KIAA2012: variants seen among roughly 807,000 people sequenced by gnomAD.
The protein encoded by KIAA2012 is uncharacterized protein KIAA2012.
In KIAA2012, 125 loss-of-function variants were observed where a neutral mutation model predicts 150.6. The ratio of observed to expected loss-of-function variants is 0.83; its 90% CI spans 0.72 to 0.96. The LOEUF (loss-of-function observed/expected upper bound fraction) is 0.96, where lower values mean the gene tolerates loss of function less well. KIAA2012 is among the 40% of genes least tolerant of loss of function. The probability of loss-of-function intolerance (pLI) is 0.00; values close to 1 mark genes in which losing one functional copy is unlikely to be tolerated. For missense variants in KIAA2012, 1,219 were observed against 1,354.9 expected (o/e 0.90, Z 1.57); for synonymous variants, 462 against 504.7 (o/e 0.92, Z 1.13).
Position 202,193,433 on chromosome 2 carries a change from C to T in KIAA2012, c.2944C>T (p.Gln982Ter). The change falls in exon 20 of 24, where the codon CAG (glutamine) becomes TAG (stop). Residue 982 changes from glutamine (Q) to a stop codon, truncating the protein, a stop_gained. Transcript: ENST00000498697. LOFTEE classifies it high-confidence loss of function. ...AGAGCAAAGGCAGCTCCAGCAGGAG[C>T]AGCTGGAGAGAGCAAAAAAGATGGA... Reference protein sequence around the residue: ...QEEQRQLQQEQLERAKKMEEE... With the variant: ...QEEQRQLQQE The T allele has an allele frequency of 8.4e-6, 13 of 1,550,290 alleles. No homozygotes were observed. Among genetic ancestry groups the T allele is most frequent in the Non-Finnish European group, 1.0e-5 (12 of 1,146,868 alleles).
At chr2:202,123,440 C>T (rs544858054) in intron 11 of KIAA2012, among the ~76,000 whole-genome samples, 16 of 152,200 alleles carry the variant, frequency 1.1e-4, no homozygotes, top group African/African-American at 3.4e-4. Flanking sequence ...ATTCTTGAAC[C>T]GTAGGGTCAA....
intron 11 of KIAA2012, among the ~76,000 whole-genome samples, chr2:202,122,233 A>G (rs1242867830): frequency 6.6e-6 from 1 of 152,220 alleles, no homozygotes; most frequent in Non-Finnish European, 1.5e-5. Flanking sequence ...GCAACCCAAC[A>G]CGTGAGCTAG....
chr2:202,159,006 A>G (rs776174648), intron 14 of KIAA2012, among the ~76,000 whole-genome samples: 4 of 152,224 alleles, frequency 2.6e-5, no homozygotes, highest in Non-Finnish European at 4.4e-5. Context: ...TGCAAGGTAG[A>G]GGAATTGGCC....
At chr2:202,163,263 C>G (rs1209813996) in intron 14 of KIAA2012, among the ~76,000 whole-genome samples, 1 of 151,786 alleles carries the variant, frequency 6.6e-6, no homozygotes, top group East Asian at 1.9e-4. Flanking sequence ...GCCACCACGC[C>G]TGGCTAATTT....
Position 202,075,106 on chromosome 2 carries a change from G to A in KIAA2012, c.300G>A (p.Arg100=), listed in dbSNP as rs1432448112. ...KGPYCPRGPW[R]KLDLELHTLQ... is the part of the protein sequence containing the mutation. The stretch of plus-strand genomic sequence containing the variant: ...CCTACTGCCCCAGAGGTCCCTGGAG[G>A]AAGCTGGATCTTGAACTGCACACAC... The change falls in exon 2 of 24, where the codon AGG becomes AGA. Residue 100 remains arginine, a synonymous_variant. Transcript: ENST00000498697. 6.4e-6 allele frequency: 10 copies of A among 1,550,534 alleles called. No individual in the cohort carries two copies. Among genetic ancestry groups the A allele is most frequent in the Non-Finnish European group, 8.7e-6 (10 of 1,147,000 alleles).
At chr2:202,173,200 G>A (rs1691928092) in intron 15 of KIAA2012, among the ~76,000 whole-genome samples, 1 of 152,188 alleles carries the variant, frequency 6.6e-6, no homozygotes, top group African/African-American at 2.4e-5. Flanking sequence ...AGGAAGAAAA[G>A]CTCATTTCTA....
At chr2:202,117,653 G>GT (rs1265995606) in intron 11 of KIAA2012, among the ~76,000 whole-genome samples, 8 of 152,210 alleles carry the variant, frequency 5.3e-5, no homozygotes, top group African/African-American at 1.7e-4. Context: ...AAAAAGAGGA[G>GT]TTGGTATTAG....
intron 23 of KIAA2012, among the ~76,000 whole-genome samples, chr2:202,203,744 A>G (rs1692577993): frequency 6.6e-6 from 1 of 152,114 alleles, no homozygotes; most frequent in Non-Finnish European, 1.5e-5. Flanking sequence ...CCCCAGTTGA[A>G]AAAATTACAT....
intron 2 of KIAA2012, chr2:202,076,897 C>G (rs1369319965): frequency 2.2e-6 from 1 of 450,792 alleles, no homozygotes; most frequent in Non-Finnish European, 4.5e-6. Flanking sequence ...AGGCTATATA[C>G]AATTCTGCAA....
chr2:202,077,134 C>A, intron 2 of KIAA2012: 1 of 445,268 alleles, frequency 2.2e-6, no homozygotes, highest in Non-Finnish European at 4.5e-6. Flanking sequence ...GTCCTTCTAG[C>A]GTAAGTGTGG....
chr2:202,097,350 A>C, intron 4 of KIAA2012, 85 bp from the exon 5 acceptor site: 7 of 1,525,604 alleles, frequency 4.6e-6, no homozygotes, highest in Non-Finnish European at 6.2e-6. Flanking sequence ...TACTCAGAGA[A>C]GCAAGAAGGG....
rs1690172180 is a variant in KIAA2012 at position 202,105,781 on chromosome 2, GAACC to G, written c.1347_1350del (p.Pro450LysfsTer14). ...CCTAGGTGCTCCACACCCTGAGTCA[GAACC>G]AGAAAGCAGCGAAGAATCCACACCT... On this transcript the variant is annotated frameshift_variant, in exon 9 of 24. Coordinates refer to ENST00000498697, the MANE Select transcript of KIAA2012 (RefSeq NM_001277372.4). LOFTEE classifies it high-confidence loss of function. 3.2e-6 allele frequency: 5 copies of G among 1,550,508 alleles called. No homozygotes were observed. In the African/African-American group the frequency reaches 6.8e-5, roughly 21 times the overall value.
Position 202,165,288 on chromosome 2 carries a change from G to A in KIAA2012, c.2051G>A (p.Ser684Asn). 6.5e-7 allele frequency: 1 copy of A among 1,550,230 alleles called. No individual in the cohort carries two copies. The highest frequency in any genetic ancestry group is 8.7e-7 in the Non-Finnish European group (1 of 1,146,706). ...TGTTGTGTGTTAACCCAATAGGAAA[G>A]TGGAAATGCACTGGACTATCAGGAA... is the stretch of plus-strand genomic sequence containing the variant. Reference protein sequence around the residue: ...HIDMTPFLKESGNALDYQEEA... With the variant: ...HIDMTPFLKENGNALDYQEEA... Residue 684 changes from serine (S) to asparagine (N), a missense_variant, in exon 15 of 24, where the codon AGT becomes AAT. Ser to Asn is a conservative substitution (Grantham distance 46). Coordinates refer to ENST00000498697, the MANE Select transcript of KIAA2012 (RefSeq NM_001277372.4).
intron 12 of KIAA2012, chr2:202,136,528 T>C: frequency 6.6e-6 from 1 of 152,488 alleles, no homozygotes; most frequent in East Asian, 1.9e-4. Context: ...CCAGTAGGCT[T>C]CACCTCTCAA....
intron 2 of KIAA2012, among the ~76,000 whole-genome samples, chr2:202,088,839 A>T (rs1689647632): frequency 6.6e-6 from 1 of 152,168 alleles, no homozygotes; most frequent in Non-Finnish European, 1.5e-5. Context: ...TCTCGGGTTG[A>T]TTCCAGAACC....
chr2:202,179,026 A>G (rs899803514), intron 15 of KIAA2012, among the ~76,000 whole-genome samples: 10 of 152,252 alleles, frequency 6.6e-5, no homozygotes, highest in Non-Finnish European at 1.5e-4. Flanking sequence ...AATAAAACTG[A>G]GAAGAAATAA....
At chr2:202,098,809 T>TGTGTGCAC (rs1433512368) in intron 5 of KIAA2012, among the ~76,000 whole-genome samples, 3 of 147,456 alleles carry the variant, frequency 2.0e-5, no homozygotes, top group Non-Finnish European at 4.6e-5. Context: ...TGTGTGTGTG[T>TGTGTGCAC]GTGTGTGTGT....
chr2:202,148,862 G>A (rs1420525756), intron 13 of KIAA2012, among the ~76,000 whole-genome samples: 3 of 152,142 alleles, frequency 2.0e-5, no homozygotes, highest in Non-Finnish European at 2.9e-5. Flanking sequence ...GGTTGACAAT[G>A]TATACAACGC....
intron 7 of KIAA2012, among the ~76,000 whole-genome samples, chr2:202,101,622 A>G (rs1690047018): frequency 6.6e-6 from 1 of 152,230 alleles, no homozygotes. Flanking sequence ...TTGGCTCGTC[A>G]GCCATACCTC....
Sources: gnomAD v4.1 joint callset for allele counts (sites outside exome capture counted in the v4.1 genomes callset) on GRCh38, gnomAD v4.1.1 for gene constraint, MANE v1.5 for transcripts, NCBI Gene and HGNC (gene_info 2026-07-23, HGNC 2026-07-21) for gene names.